Variants in FAM118B observed in about 807,000 individuals in gnomAD.
The protein encoded by FAM118B is protein FAM118B.
A neutral mutation model predicts 38.5 loss-of-function variants in FAM118B; 24 were observed. That is an observed-to-expected ratio of 0.62 (90% confidence interval 0.45 to 0.88). The LOEUF is 0.88. Ranked by LOEUF, FAM118B falls within the 40% of genes least tolerant of loss-of-function variation. The pLI, the probability that FAM118B is intolerant of heterozygous loss-of-function variation, is 0.00. For missense variants in FAM118B, 334 were observed against 420.0 expected, an observed-to-expected ratio of 0.80 and a Z score of 1.79; for synonymous variants, 138 against 156.3, an observed-to-expected ratio of 0.88 and a Z score of 0.87.
chr11:126,221,167 A>G (rs1361787209), intron 1 of FAM118B, among the ~76,000 whole-genome samples: 1 of 152,220 alleles, frequency 6.6e-6, no homozygotes, highest in Non-Finnish European at 1.5e-5. Context: ...AGCCTGGGTG[A>G]CAGAGTAAGA....
intron 3 of FAM118B, among the ~76,000 whole-genome samples, chr11:126,237,218 T>A (rs1385070068): frequency 7.1e-5 from 7 of 98,656 alleles, no homozygotes; most frequent in African/African-American, 2.7e-4. Flanking sequence ...GCCTGGCCTT[T>A]TTTTTTTTTT....
intron 7 of FAM118B, chr11:126,260,472 C>T (rs1407843594): frequency 6.8e-6 from 1 of 146,982 alleles, no homozygotes; most frequent in Admixed American, 6.7e-5. Flanking sequence ...TTCATAACCA[C>T]TATTTTAATT....
Position 126,241,053 on chromosome 11 carries a change from C to A in FAM118B, c.339+9C>A. The A allele has an allele frequency of 6.4e-7, 1 of 1,563,202 alleles. No individual in the cohort carries two copies. The highest frequency in any genetic ancestry group is 8.7e-7 in the Non-Finnish European group (1 of 1,154,458). ...TCCAGAAACTCTCTCCTGTGAGTAC[C>A]CTAGTATGTGCCACAGTATTTGGAA... is the stretch of plus-strand genomic sequence containing the variant. On this transcript the variant is annotated intron_variant, in intron 4 of 8. Transcript: ENST00000533050.
chr11:126,250,746 G>T lies in FAM118B; in HGVS notation c.567+13G>T. On this transcript the variant is annotated intron_variant, in intron 5 of 8. Transcript: ENST00000533050. This position sits in a 1 kb window ranked among gnomAD's most constrained non-coding sequence, Gnocchi z 5.1. ...TGATGAGAAAAAGGTAAAAAGTAAA[G>T]CATTGGTCCCTTCTTCAGGCTAGTG... 1 of 1,572,166 alleles carries T rather than the reference G, an allele frequency of 6.4e-7. No individual in the cohort carries two copies. Among genetic ancestry groups the T allele is most frequent in the Non-Finnish European group, 8.7e-7 (1 of 1,143,970 alleles).
rs1003907868 is a variant in FAM118B at position 126,253,798 on chromosome 11, G to T, written c.568-507G>T. Among the ~76,000 whole-genome samples the T allele has an allele frequency of 6.6e-6, 1 of 152,168 alleles. No individual in the cohort carries two copies. Among genetic ancestry groups the T allele is most frequent in the Non-Finnish European group, 1.5e-5 (1 of 68,036 alleles). Reference sequence around the variant, plus strand: ...TAGCCCAGGCTTCTTCACTTTCTTCGCATGGCAGCTGGATTCCAAAAGTAA... The same window carrying T: ...TAGCCCAGGCTTCTTCACTTTCTTCTCATGGCAGCTGGATTCCAAAAGTAA... On this transcript the variant is annotated intron_variant, in intron 5 of 8. Coordinates refer to ENST00000533050, the MANE Select transcript of FAM118B (RefSeq NM_024556.4). The surrounding 1 kb of genome is among the most constrained non-coding windows in gnomAD (Gnocchi z 5.1).
Position 126,241,038 on chromosome 11 carries a change from C to T in FAM118B, c.333C>T (p.Leu111=), listed in dbSNP as rs12280636. 8.7e-4 allele frequency: 1,395 copies of T among 1,594,888 alleles called. 15 individuals are homozygous for T. In the African/African-American group the frequency reaches 0.016, roughly 18 times the overall value. The change falls in exon 4 of 9, where the codon CTC becomes CTT. Residue 111 remains leucine (L), a synonymous_variant. Coordinates refer to ENST00000533050, the MANE Select transcript of FAM118B (RefSeq NM_024556.4). ...TTGCCCATGACCTTATCCAGAAACT[C>T]TCTCCTGTGAGTACCCTAGTATGTG... ...VHVAHDLIQK[L]SPRTSNVRST...
intron 7 of FAM118B, among the ~76,000 whole-genome samples, chr11:126,258,117 A>C (rs1189435500): frequency 2.0e-5 from 3 of 152,206 alleles, no homozygotes; most frequent in Admixed American, 6.5e-5. Flanking sequence ...TAGGAGGGCA[A>C]AAGTACAGGT....
At position 126,253,863 on chromosome 11, in the gene FAM118B, G is replaced by A. The variant is rs973676952; in HGVS notation, c.568-442G>A. 1.3e-5 allele frequency among the ~76,000 whole-genome samples: 2 copies of A among 152,170 alleles called. No individual in the cohort carries two copies. The highest frequency in any genetic ancestry group is 2.4e-5 in the African/African-American group (1 of 41,446). On this transcript the variant is annotated intron_variant, in intron 5 of 8. Coordinates refer to ENST00000533050, the MANE Select transcript of FAM118B (RefSeq NM_024556.4). This position sits in a 1 kb window ranked among gnomAD's most constrained non-coding sequence, Gnocchi z 5.1. ...GACTTCTTGTGCCAACACTTTTCAA[G>A]CTTCTGCTTGTGTGTGTTTGCTAGT...
At position 126,211,796 on chromosome 11, in the gene FAM118B, C is replaced by G. The variant is rs1232026874; in HGVS notation, c.-111C>G. 2 of 757,784 alleles carry G rather than the reference C, an allele frequency of 2.6e-6. No homozygotes were observed. Among genetic ancestry groups the G allele is most frequent in the Non-Finnish European group, 4.2e-6 (2 of 475,978 alleles). The allele number at this position is 757,784 out of a possible 1,614,324, so 46.9% of individuals were successfully genotyped here. A position where few individuals can be genotyped will look rare whatever the true frequency, so the allele number is the denominator to read the frequency against. On this transcript the variant is annotated 5_prime_UTR_variant, in exon 1 of 9. Transcript: ENST00000533050. ...TCAGTGCGGCTGCGCCGGCCGGTAG[C>G]TGCAGCTGGAGCAGTGGCGTTTGGA...
intron 1 of FAM118B, among the ~76,000 whole-genome samples, chr11:126,217,233 T>C (rs1949991545): frequency 6.6e-6 from 1 of 152,236 alleles, no homozygotes; most frequent in Admixed American, 6.5e-5. Flanking sequence ...TGCTGTATCT[T>C]CTTGTTGCTA....
At chr11:126,226,764 T>G (rs1335710382) in intron 1 of FAM118B, among the ~76,000 whole-genome samples, 1 of 152,094 alleles carries the variant, frequency 6.6e-6, no homozygotes, top group Non-Finnish European at 1.5e-5. Context: ...GCGGATCACT[T>G]GAGCCTGGGC....
chr11:126,223,382 G>A (rs1013450800), intron 1 of FAM118B, among the ~76,000 whole-genome samples: 4 of 151,960 alleles, frequency 2.6e-5, no homozygotes, highest in Non-Finnish European at 5.9e-5. Context: ...GGCAGATCAC[G>A]AGTCAGGAGA....
intron 2 of FAM118B, 51 bp from the exon 3 acceptor site, chr11:126,234,944 T>C (rs1015957587): frequency 7.1e-7 from 1 of 1,412,212 alleles, no homozygotes; most frequent in Admixed American, 1.8e-5. Flanking sequence ...CTATTTTGAA[T>C]AGTATACTTT....
rs1216979617 is a variant in FAM118B, at chr11:126,214,011, A to T, written c.-77+2181A>T. The stretch of plus-strand genomic sequence containing the variant: ...TGACATCCTTAATGTTTCTCCGGTG[A>T]GTCTAGGCACTTGGTGATTTAAAGT... On this transcript the variant is annotated intron_variant, in intron 1 of 8. Transcript: ENST00000533050. Among the ~76,000 whole-genome samples the T allele has an allele frequency of 2.0e-5, 3 of 152,278 alleles. No homozygotes were observed. In the East Asian group the frequency reaches 5.8e-4, roughly 29 times the overall value.
At chr11:126,259,550 T>G (rs1342452019) in intron 7 of FAM118B, among the ~76,000 whole-genome samples, 1 of 146,228 alleles carries the variant, frequency 6.8e-6, no homozygotes, top group Non-Finnish European at 1.5e-5. Flanking sequence ...CTCAGCCTCC[T>G]GAGTGGCTGG....
chr11:126,237,870 A>AG (rs1950301588), intron 3 of FAM118B, among the ~76,000 whole-genome samples: 1 of 150,678 alleles, frequency 6.6e-6, no homozygotes, highest in Non-Finnish European at 1.5e-5. Context: ...AAAAAAAAAA[A>AG]AAAGAAAAGA....
chr11:126,258,542 C>T (rs141036645), intron 7 of FAM118B, among the ~76,000 whole-genome samples: 90 of 152,224 alleles, frequency 5.9e-4, no homozygotes, highest in African/African-American at 2.1e-3. Flanking sequence ...TTTGATGGAA[C>T]CAGACTTTTA....
Position 126,261,492 on chromosome 11 carries a change from G to T in FAM118B, c.1042+8G>T. 1 of 1,609,112 alleles carries T rather than the reference G, an allele frequency of 6.2e-7. No homozygotes were observed. Among genetic ancestry groups the T allele is most frequent in the Non-Finnish European group, 8.5e-7 (1 of 1,175,468 alleles). Reference sequence around the variant, plus strand: ...CACACAGTGAAATAAGAGGTATACTGTTTCCTATTCTACTATTTATCACTC... The same window carrying T: ...CACACAGTGAAATAAGAGGTATACTTTTTCCTATTCTACTATTTATCACTC... On this transcript the variant is annotated splice_region_variant and intron_variant, in intron 8 of 8. Coordinates refer to ENST00000533050, the MANE Select transcript of FAM118B (RefSeq NM_024556.4).
intron 5 of FAM118B, among the ~76,000 whole-genome samples, chr11:126,251,007 A>G (rs1047885831): frequency 6.6e-6 from 1 of 152,228 alleles, no homozygotes; most frequent in Non-Finnish European, 1.5e-5. Flanking sequence ...GAACTGTAAG[A>G]TCTCTTTAGC....
Sources: allele counts gnomAD v4.1 joint callset (sites outside exome capture counted in the v4.1 genomes callset), GRCh38; gene constraint gnomAD v4.1.1; non-coding constraint Gnocchi (gnomAD v3.1); transcripts MANE v1.5; gene names NCBI Gene and HGNC (gene_info 2026-07-23, HGNC 2026-07-21).